The following PPP3R1 variants were observed in gnomAD, a reference collection of about 807,000 sequenced individuals.
PPP3R1 encodes protein phosphatase 3 regulatory subunit B, alpha, also known as calcineurin subunit B type 1.
PPP3R1 carries 5 observed loss-of-function variants against 22.6 expected under a neutral mutation model. The ratio of observed to expected loss-of-function variants is 0.22; its 90% confidence interval spans 0.12 to 0.46. PPP3R1 has a LOEUF of 0.46. Among genes scored for constraint, PPP3R1 ranks in the 20% least tolerant of loss-of-function variants. PPP3R1 has a pLI of 0.99. For synonymous variants in PPP3R1, 56 were observed against 65.2 expected, an observed-to-expected ratio of 0.86 and a Z score of 0.68; for missense variants, 61 against 203.2, an observed-to-expected ratio of 0.30 and a Z score of 4.25.
At position 68,187,271 on chromosome 2, in the gene PPP3R1, C is replaced by T; in HGVS notation, c.264G>A (p.Lys88=). The change falls in exon 4 of 6, where the codon AAG becomes AAA. Residue 88 remains lysine, a synonymous_variant. Coordinates refer to ENST00000234310, the MANE Select transcript of PPP3R1 (RefSeq NM_000945.4). ...GVSQFSVKGD[K]EQKLRFAFRI... is the part of the protein sequence containing the mutation. ...AATACTTACACCTCAATTTCTGCTC[C>T]TTATCTCCTTTGACACTGAACTGAG... is the stretch of plus-strand genomic sequence containing the variant. The T allele has an allele frequency of 6.2e-7, 1 of 1,610,214 alleles. No homozygotes were observed. The highest frequency in any genetic ancestry group is 8.5e-7 in the Non-Finnish European group (1 of 1,177,854).
chr2:68,221,672 GAAGA>G (rs1669690719), intron 1 of PPP3R1, among the ~76,000 whole-genome samples: 1 of 150,548 alleles, frequency 6.6e-6, no homozygotes, highest in Non-Finnish European at 1.5e-5. Flanking sequence ...ACTCTAAGTA[GAAGA>G]AACATGGAAA....
intron 2 of PPP3R1, among the ~76,000 whole-genome samples, chr2:68,201,749 C>A (rs1248435695): frequency 1.3e-5 from 2 of 152,278 alleles, no homozygotes; most frequent in East Asian, 3.9e-4. Flanking sequence ...TTTGAGTGAT[C>A]ATTTGGCTGT....
intron 2 of PPP3R1, among the ~76,000 whole-genome samples, chr2:68,207,962 C>G (rs577022739): frequency 1.3e-5 from 2 of 152,262 alleles, no homozygotes; most frequent in East Asian, 3.9e-4. Flanking sequence ...TCGAGACAAG[C>G]CTTGCCAACA....
chr2:68,227,331 T>C (rs960803585), intron 1 of PPP3R1, among the ~76,000 whole-genome samples: 1 of 152,054 alleles, frequency 6.6e-6, no homozygotes, highest in Non-Finnish European at 1.5e-5. Flanking sequence ...TCTAAATGTC[T>C]TTACCTGCTG....
At chr2:68,242,951 A>C (rs1332721442) in intron 1 of PPP3R1, among the ~76,000 whole-genome samples, 2 of 152,244 alleles carry the variant, frequency 1.3e-5, no homozygotes. Flanking sequence ...ATAAAAATAA[A>C]AATGAATACT....
chr2:68,250,119 A>G (rs183032214), intron 1 of PPP3R1, among the ~76,000 whole-genome samples: 4 of 152,166 alleles, frequency 2.6e-5, no homozygotes, highest in East Asian at 1.9e-4. Context: ...AACATTATGT[A>G]GGTCCTGAAA....
At chr2:68,243,309 C>G (rs1293256596) in intron 1 of PPP3R1, among the ~76,000 whole-genome samples, 2 of 152,176 alleles carry the variant, frequency 1.3e-5, no homozygotes, top group African/African-American at 4.8e-5. Flanking sequence ...TGCGCCAGAC[C>G]TATAAATTAG....
At chr2:68,244,719 A>T (rs1244270266) in intron 1 of PPP3R1, among the ~76,000 whole-genome samples, 1 of 152,080 alleles carries the variant, frequency 6.6e-6, no homozygotes, top group African/African-American at 2.4e-5. Flanking sequence ...ACTGTAAACC[A>T]CTGAAGTTAA....
intron 1 of PPP3R1, among the ~76,000 whole-genome samples, chr2:68,230,034 T>A (rs1262184998): frequency 6.8e-6 from 1 of 146,414 alleles, no homozygotes; most frequent in African/African-American, 2.5e-5. Context: ...AGACAGGCTG[T>A]CACTCTGGAG....
chr2:68,181,852 G>A (rs954436187), intron 5 of PPP3R1, among the ~76,000 whole-genome samples: 11 of 152,094 alleles, frequency 7.2e-5, no homozygotes, highest in African/African-American at 2.7e-4. Flanking sequence ...TTTTTCTGTA[G>A]AGTCAAATAC....
intron 2 of PPP3R1, among the ~76,000 whole-genome samples, chr2:68,190,316 G>A (rs922666723): frequency 1.1e-4 from 16 of 144,746 alleles, no homozygotes; most frequent in Non-Finnish European, 2.1e-4. Flanking sequence ...TGTAATCCTA[G>A]CACTTCAGGA....
intron 3 of PPP3R1, 26 bp downstream of exon 3, chr2:68,188,488 G>T: frequency 2.0e-6 from 3 of 1,531,416 alleles, no homozygotes; most frequent in Non-Finnish European, 2.7e-6. Flanking sequence ...ATAACTTGTG[G>T]TTATAAAAAA....
intron 1 of PPP3R1, among the ~76,000 whole-genome samples, chr2:68,232,703 T>C (rs1572974111): frequency 6.6e-6 from 1 of 151,904 alleles, no homozygotes; most frequent in Non-Finnish European, 1.5e-5. Context: ...ACCTCACAGG[T>C]TCAAGCAATT....
At chr2:68,211,419 A>AAAAC (rs1173919984) in intron 2 of PPP3R1, among the ~76,000 whole-genome samples, 3 of 151,644 alleles carry the variant, frequency 2.0e-5, no homozygotes, top group African/African-American at 7.3e-5. Context: ...AAAAAAAAAA[A>AAAAC]AAAAAACTCT....
At chr2:68,211,134 C>T (rs967130824) in intron 2 of PPP3R1, among the ~76,000 whole-genome samples, 2 of 152,154 alleles carry the variant, frequency 1.3e-5, no homozygotes, top group East Asian at 1.9e-4. Context: ...CGGCTGGGCG[C>T]GGTGGCTCAC....
chr2:68,189,514 A>G (rs13028155), intron 2 of PPP3R1, among the ~76,000 whole-genome samples: 1,784 of 152,336 alleles, frequency 0.012, 26 homozygotes, highest in Non-Finnish European at 0.02. Context: ...TATCTGACTA[A>G]TACACATAAG....
At chr2:68,198,185 A>AAT (rs200143942) in intron 2 of PPP3R1, among the ~76,000 whole-genome samples, 1 of 146,182 alleles carries the variant, frequency 6.8e-6, no homozygotes, top group East Asian at 2.0e-4. Context: ...ATGTATATAT[A>AAT]ATATATATTT....
At chr2:68,249,006 A>G (rs191020195) in intron 1 of PPP3R1, among the ~76,000 whole-genome samples, 2 of 152,300 alleles carry the variant, frequency 1.3e-5, no homozygotes, top group Admixed American at 6.5e-5. Context: ...GACAAAATCT[A>G]CAAGTATTTG....
chr2:68,229,936 A>G (rs138912490), intron 1 of PPP3R1, among the ~76,000 whole-genome samples: 3,642 of 143,716 alleles, frequency 0.025, 145 homozygotes, highest in African/African-American at 0.084. Flanking sequence ...ATGTGTGTGT[A>G]TGTGTGTATA....
Sources: gnomAD v4.1 joint callset for allele counts (sites outside exome capture counted in the v4.1 genomes callset) on GRCh38, gnomAD v4.1.1 for gene constraint, MANE v1.5 for transcripts, NCBI Gene and HGNC (gene_info 2026-07-23, HGNC 2026-07-21) for gene names.